NME7: variants seen among roughly 807,000 people sequenced by gnomAD.
NME7 encodes the protein NME/NM23 family member 7.
Under a neutral mutation model 49.1 loss-of-function variants are expected in NME7, and 41 were observed. The observed-to-expected ratio is 0.83, with a 90% confidence interval of 0.65 to 1.08. NME7 has a LOEUF of 1.08. Ranked by LOEUF, NME7 falls within the 50% of genes least tolerant of loss-of-function variation. NME7 has a pLI of 0.00. For missense variants in NME7, 423 were observed against 463.4 expected (o/e 0.91, Z 0.80); for synonymous variants, 139 against 150.6 (o/e 0.92, Z 0.56).
At chr1:169,336,649 G>A (rs892033659) in intron 1 of NME7, among the ~76,000 whole-genome samples, 9 of 151,342 alleles carry the variant, frequency 5.9e-5, no homozygotes, top group Non-Finnish European at 4.4e-5. Flanking sequence ...TAGATACAGA[G>A]TGCCGACTGG....
Position 169,224,675 on chromosome 1 carries a change from G to A in NME7, c.990+6043C>T, listed in dbSNP as rs555078952. Among the ~76,000 whole-genome samples, 26 of 151,990 alleles carry A rather than the reference G, an allele frequency of 1.7e-4. No homozygotes were observed. The South Asian group carries it at 4.4e-3, about 26-fold the overall frequency. On this transcript the variant is annotated intron_variant, in intron 10 of 11. Coordinates refer to ENST00000367811, the MANE Select transcript of NME7 (RefSeq NM_013330.5). ...CTTTAATAGGACCATATTCTATTTCGAAAAATCTATTCATTTGTCCAGTAC... is the reference window on the plus strand; with the variant it reads ...CTTTAATAGGACCATATTCTATTTCAAAAAATCTATTCATTTGTCCAGTAC...
chr1:169,173,956 T>C (rs3766059), intron 10 of NME7, among the ~76,000 whole-genome samples: 56,406 of 152,056 alleles, frequency 0.37, 11,042 homozygotes, highest in East Asian at 0.73. Flanking sequence ...TAAAGAGCGA[T>C]ACTTATTTGT....
At chr1:169,254,450 CTCTT>C (rs1289777099) in intron 7 of NME7, among the ~76,000 whole-genome samples, 1 of 151,800 alleles carries the variant, frequency 6.6e-6, no homozygotes. Flanking sequence ...AGATTCTTCT[CTCTT>C]TTTTTCTTTA....
chr1:169,293,887 A>T (rs1013363386), intron 6 of NME7, among the ~76,000 whole-genome samples: 1 of 152,098 alleles, frequency 6.6e-6, no homozygotes, highest in African/African-American at 2.4e-5. Flanking sequence ...TTCTCCATAC[A>T]GATCTCCCAC....
At chr1:169,193,796 T>G (rs1322620299) in intron 10 of NME7, among the ~76,000 whole-genome samples, 1 of 151,996 alleles carries the variant, frequency 6.6e-6, no homozygotes, top group African/African-American at 2.4e-5. Flanking sequence ...TTTAAAGATA[T>G]TCAGAACAAC....
intron 11 of NME7, among the ~76,000 whole-genome samples, chr1:169,151,849 T>C (rs890157170): frequency 2.0e-5 from 3 of 152,154 alleles, no homozygotes; most frequent in African/African-American, 4.8e-5. Flanking sequence ...CTCGGGTTCA[T>C]TGCCCCTACA....
rs573164986 is a variant in NME7 at position 169,191,713 on chromosome 1, A to G, written c.991-22159T>C. Among the ~76,000 whole-genome samples, 98 of 152,310 alleles carry G rather than the reference A, an allele frequency of 6.4e-4. No homozygotes were observed. The Middle Eastern group carries it at 0.01, about 16-fold the overall frequency. ...GAAATCAGAAAAAAAGATATCTAAC[A>G]TCTTCAATCATTCAGCGTATTTTTT... On this transcript the variant is annotated intron_variant, in intron 10 of 11. Transcript: ENST00000367811.
Position 169,182,174 on chromosome 1 carries a change from T to A in NME7, c.991-12620A>T, listed in dbSNP as rs1198062868. 1.2e-3 allele frequency among the ~76,000 whole-genome samples: 159 copies of A among 134,092 alleles called. 1 individual carries two copies. The highest frequency in any genetic ancestry group is 2.0e-3 in the Non-Finnish European group (126 of 63,262). 88.0% of individuals were successfully genotyped at this position (134,092 alleles called of 152,430 possible). ...TGCATGCCACCACAACTAGCTAATT[T>A]AAAAAAAAAAAAAAACAACTCTGTA... On this transcript the variant is annotated intron_variant, in intron 10 of 11. Transcript: ENST00000367811.
chr1:169,308,489 T>C (rs954754095), intron 4 of NME7, among the ~76,000 whole-genome samples: 11 of 152,356 alleles, frequency 7.2e-5, no homozygotes, highest in Admixed American at 3.3e-4. Flanking sequence ...AGAGACACTC[T>C]GTGTTACACT....
At chr1:169,188,132 G>T (rs1236428818) in intron 10 of NME7, among the ~76,000 whole-genome samples, 1 of 152,130 alleles carries the variant, frequency 6.6e-6, no homozygotes, top group African/African-American at 2.4e-5. Flanking sequence ...AGTTTGACAG[G>T]CTTCCCTTTG....
intron 9 of NME7, among the ~76,000 whole-genome samples, chr1:169,232,207 G>A (rs1217486342): frequency 6.6e-6 from 1 of 151,936 alleles, no homozygotes; most frequent in Non-Finnish European, 1.5e-5. Context: ...GGGTGAACAG[G>A]ATACGACACT....
chr1:169,275,350 G>A (rs1204577887), intron 7 of NME7, among the ~76,000 whole-genome samples: 1 of 128,624 alleles, frequency 7.8e-6, no homozygotes, highest in African/African-American at 2.6e-5. Context: ...ATGGTGGCGC[G>A]TGCCTGTAGT....
At chr1:169,156,040 G>T (rs746361098) in intron 11 of NME7, among the ~76,000 whole-genome samples, 46 of 151,940 alleles carry the variant, frequency 3.0e-4, no homozygotes, top group Non-Finnish European at 2.2e-4. Context: ...AGCCCAGCCA[G>T]GCATGGTGGC....
chr1:169,284,018 C>T (rs1162698118), intron 7 of NME7: 2 of 152,152 alleles, frequency 1.3e-5, no homozygotes, highest in Admixed American at 1.3e-4. Context: ...GGGAAGTTCT[C>T]CTGGATAATA....
chr1:169,142,010 G>A (rs1211347099), intron 11 of NME7, among the ~76,000 whole-genome samples: 1 of 152,174 alleles, frequency 6.6e-6, no homozygotes, highest in Non-Finnish European at 1.5e-5. Context: ...GATAAAATGA[G>A]TCTGAGAAAG....
At chr1:169,139,425 T>A (rs996317318) in intron 11 of NME7, among the ~76,000 whole-genome samples, 3 of 152,238 alleles carry the variant, frequency 2.0e-5, no homozygotes, top group Non-Finnish European at 4.4e-5. Context: ...CAGCCTGTGC[T>A]GGTTCAGAGC....
intron 11 of NME7, among the ~76,000 whole-genome samples, chr1:169,164,468 A>G (rs762710768): frequency 3.3e-5 from 5 of 152,202 alleles, no homozygotes; most frequent in Non-Finnish European, 5.9e-5. Flanking sequence ...GCTAGGCACA[A>G]TGATATTTGA....
chr1:169,177,269 C>T (rs762597790), intron 10 of NME7, among the ~76,000 whole-genome samples: 45 of 152,150 alleles, frequency 3.0e-4, no homozygotes, highest in Non-Finnish European at 1.3e-4. Flanking sequence ...CTAATATATA[C>T]CCTGTATCAG....
intron 10 of NME7, among the ~76,000 whole-genome samples, chr1:169,185,205 A>AGTCCAACAATTAAT (rs1660034349): frequency 6.6e-6 from 1 of 152,182 alleles, no homozygotes; most frequent in Non-Finnish European, 1.5e-5. Flanking sequence ...ACTGTTTGTA[A>AGTCCAACAATTAAT]GTCCAACAAT....
Sources: allele counts gnomAD v4.1 joint callset (sites outside exome capture counted in the v4.1 genomes callset), GRCh38; gene constraint gnomAD v4.1.1; transcripts MANE v1.5; gene names NCBI Gene and HGNC (gene_info 2026-07-23, HGNC 2026-07-21).